The following ERC1 variants were observed in gnomAD, a reference collection of about 807,000 sequenced individuals.
ERC1 encodes the protein RAB6 interacting protein 2.
A neutral mutation model predicts 132.0 loss-of-function variants in ERC1; 56 were observed. That is an observed-to-expected ratio of 0.42 (90% CI 0.34 to 0.53). The LOEUF is 0.53. Among genes scored for constraint, ERC1 ranks in the 20% least tolerant of loss-of-function variants. The probability of loss-of-function intolerance (pLI) is 0.03; values close to 1 mark genes in which losing one functional copy is unlikely to be tolerated. For synonymous variants in ERC1, 478 were observed against 476.1 expected, an observed-to-expected ratio of 1.00 and a Z score of -0.05; for missense variants, 1,202 against 1,349.9, an observed-to-expected ratio of 0.89 and a Z score of 1.72.
chr12:1,044,701 A>G (rs1245503979), intron 2 of ERC1, among the ~76,000 whole-genome samples: 1 of 152,190 alleles, frequency 6.6e-6, no homozygotes, highest in Admixed American at 6.5e-5. Context: ...ATCTGCTACC[A>G]GAGGCAAACA....
At chr12:1,418,583 TTCTTTC>T (rs1409804795) in intron 17 of ERC1, among the ~76,000 whole-genome samples, 19 of 100,992 alleles carry the variant, frequency 1.9e-4, no homozygotes, top group African/African-American at 6.2e-4. Context: ...CTTTCTTTCT[TTCTTTC>T]TCTTTCTTTC....
At chr12:1,212,910 G>A (rs1410959645) in intron 12 of ERC1, among the ~76,000 whole-genome samples, 2 of 152,170 alleles carry the variant, frequency 1.3e-5, no homozygotes, top group Non-Finnish European at 2.9e-5. Context: ...TATAATGGTA[G>A]TATTTAATGA....
chr12:1,394,055 T>A (rs1228875247), intron 16 of ERC1, among the ~76,000 whole-genome samples: 5 of 140,278 alleles, frequency 3.6e-5, no homozygotes, highest in East Asian at 2.1e-4. Context: ...CCACAAAGCA[T>A]TAAGCAATTT....
intron 15 of ERC1, among the ~76,000 whole-genome samples, chr12:1,345,059 G>A (rs1040245860): frequency 5.9e-5 from 9 of 151,944 alleles, no homozygotes; most frequent in Non-Finnish European, 5.9e-5. Flanking sequence ...TAGGTAAGCA[G>A]GATTCCTGTC....
intron 12 of ERC1, among the ~76,000 whole-genome samples, chr12:1,208,986 T>G (rs1447981085): frequency 9.4e-6 from 1 of 106,466 alleles, no homozygotes; most frequent in Non-Finnish European, 2.0e-5. Flanking sequence ...TTTTTTTTTT[T>G]GAGGTGGAGT....
chr12:1,332,238 C>T (rs1306775268), intron 15 of ERC1, among the ~76,000 whole-genome samples: 1 of 152,130 alleles, frequency 6.6e-6, no homozygotes, highest in African/African-American at 2.4e-5. Flanking sequence ...AGCATTTTAA[C>T]TTTCTTACAA....
At position 1,069,103 on chromosome 12, in the gene ERC1, C is replaced by CA. The variant is rs1407255792; in HGVS notation, c.670-14061_670-14060insA. On this transcript the variant is annotated intron_variant, in intron 2 of 18. Transcript: ENST00000360905. Reference sequence around the variant, plus strand: ...GCTAAGACAGCTTTGTAATTCACAGCTTTCTTTGAAAATGCTGTACCTCTA... The same window carrying CA: ...GCTAAGACAGCTTTGTAATTCACAGCATTTCTTTGAAAATGCTGTACCTCTA... 3.3e-5 allele frequency among the ~76,000 whole-genome samples: 5 copies of CA among 152,250 alleles called. No individual in the cohort carries two copies. In the East Asian group the frequency reaches 7.7e-4, roughly 23 times the overall value.
At chr12:1,204,588 G>A in intron 12 of ERC1, 1 of 1,316,704 alleles carries the variant, frequency 7.6e-7, no homozygotes, top group Non-Finnish European at 1.1e-6. Flanking sequence ...TTCTTACAGG[G>A]AACTGAACAT....
intron 15 of ERC1, among the ~76,000 whole-genome samples, chr12:1,355,335 A>G (rs74415406): frequency 0.021 from 3,257 of 152,208 alleles, 102 homozygotes; most frequent in African/African-American, 0.072. Context: ...TTTTTTTTCA[A>G]CCATTTAAAA....
intron 17 of ERC1, among the ~76,000 whole-genome samples, chr12:1,419,792 T>C (rs1468064854): frequency 6.6e-6 from 1 of 151,846 alleles, no homozygotes; most frequent in Non-Finnish European, 1.5e-5. Flanking sequence ...GATGGTGAAT[T>C]TTATGTTATG....
Position 1,002,160 on chromosome 12 carries a change from C to CTTTTTT in ERC1, c.-157+10866_-157+10871dup, listed in dbSNP as rs71055117. ...CACAGGTGTGAGCCACCATGCCCGG[C>CTTTTTT]TTTTTTTTTTTTTTTTTTTTTTTTT... On this transcript the variant is annotated intron_variant, in intron 1 of 18. Transcript: ENST00000360905. Among the ~76,000 whole-genome samples, 34 of 38,480 alleles carry CTTTTTT rather than the reference C, an allele frequency of 8.8e-4. 4 individuals carry two copies. Among genetic ancestry groups the CTTTTTT allele is most frequent in the African/African-American group, 1.4e-3 (13 of 9,086 alleles). The allele number at this position is 38,480 out of a possible 152,430, so 25.2% of individuals were successfully genotyped here.
intron 2 of ERC1, among the ~76,000 whole-genome samples, chr12:1,053,759 C>A (rs1972452586): frequency 6.6e-6 from 1 of 152,198 alleles, no homozygotes; most frequent in Non-Finnish European, 1.5e-5. Flanking sequence ...TCCCATGTTT[C>A]CTTTAACAGG....
intron 2 of ERC1, among the ~76,000 whole-genome samples, chr12:1,048,139 A>T (rs922139184): frequency 3.9e-5 from 6 of 152,112 alleles, no homozygotes; most frequent in African/African-American, 7.2e-5. Context: ...CTCGTTTGTG[A>T]TGTTTTTGCA....
rs569333451 is a variant in ERC1 at position 1,049,054 on chromosome 12, A to C, written c.669+20482A>C. Reference sequence around the variant, plus strand: ...GTATCTGAGACAGCTTAATTTCATAAAGCTACTGTGCATATTTGGAAGTAT... The same window carrying C: ...GTATCTGAGACAGCTTAATTTCATACAGCTACTGTGCATATTTGGAAGTAT... On this transcript the variant is annotated intron_variant, in intron 2 of 18. Transcript: ENST00000360905. Among the ~76,000 whole-genome samples, 8 of 152,338 alleles carry C rather than the reference A, an allele frequency of 5.3e-5. No individual in the cohort carries two copies. The East Asian group carries it at 1.5e-3, about 29-fold the overall frequency.
At chr12:1,256,277 CT>C (rs34218918) in intron 13 of ERC1, among the ~76,000 whole-genome samples, 34,408 of 142,974 alleles carry the variant, frequency 0.24, 4,345 homozygotes, top group Non-Finnish European at 0.3. Flanking sequence ...CTGTTTTTGC[CT>C]TTTTTTTTTT....
At chr12:1,181,882 G>A (rs1477432599) in intron 9 of ERC1, 43 bp from the exon 10 acceptor site, 2 of 1,581,202 alleles carry the variant, frequency 1.3e-6, no homozygotes, top group South Asian at 1.2e-5. Flanking sequence ...TCATATAAGT[G>A]CAAAAGGGAA....
chr12:1,007,468 CTCTCTCTCTCTCTCTCTCTCTCTCTT>C (rs1230786842), intron 1 of ERC1, among the ~76,000 whole-genome samples: 1 of 121,400 alleles, frequency 8.2e-6, no homozygotes, highest in East Asian at 2.0e-4. Flanking sequence ...CATTCTCTCT[CTCTCTCTCTCTCTCTCTCTCTCTCTT>C]TCTCTCTCTC....
intron 13 of ERC1, among the ~76,000 whole-genome samples, chr12:1,252,651 CAG>C (rs1236315298): frequency 2.0e-5 from 3 of 152,150 alleles, no homozygotes; most frequent in African/African-American, 7.2e-5. Flanking sequence ...GGGGTTATAA[CAG>C]AGCACCACTC....
In ERC1 at chr12:1,057,269, G is replaced by A. The variant is rs867334858; in HGVS notation, c.670-25895G>A. Reference sequence around the variant, plus strand: ...CTCCTGAGTAGCTGGGATTACAGGCGTACATCACCACACCTAGCTAATTTT... The same window carrying A: ...CTCCTGAGTAGCTGGGATTACAGGCATACATCACCACACCTAGCTAATTTT... On this transcript the variant is annotated intron_variant, in intron 2 of 18. Transcript: ENST00000360905. Among the ~76,000 whole-genome samples the A allele has an allele frequency of 1.3e-4, 19 of 150,980 alleles. 1 individual carries two copies. In the South Asian group the frequency reaches 1.5e-3, roughly 12 times the overall value.
Sources: gnomAD v4.1 joint callset for allele counts (sites outside exome capture counted in the v4.1 genomes callset) on GRCh38, gnomAD v4.1.1 for gene constraint, MANE v1.5 for transcripts, NCBI Gene and HGNC (gene_info 2026-07-23, HGNC 2026-07-21) for gene names.